The following XKR6 variants were observed in gnomAD, a reference collection of about 807,000 sequenced individuals.
XKR6 encodes XK-related protein 6.
A neutral mutation model predicts 56.7 loss-of-function variants in XKR6; 22 were observed. That is an observed-to-expected ratio of 0.39 (90% confidence interval 0.28 to 0.55). The LOEUF is 0.55. Ranked by LOEUF, XKR6 falls within the 20% of genes least tolerant of loss-of-function variation. The pLI is 0.66. For missense variants in XKR6, 852 were observed against 889.0 expected (o/e 0.96, Z 0.53); for synonymous variants, 524 against 387.8 (o/e 1.35, Z -4.13).
intron 1 of XKR6, among the ~76,000 whole-genome samples, chr8:11,153,896 A>G (rs1586623927): frequency 6.6e-6 from 1 of 152,196 alleles, no homozygotes; most frequent in African/African-American, 2.4e-5. Flanking sequence ...CACCATTACC[A>G]GGGGTGAAAC....
intron 1 of XKR6, among the ~76,000 whole-genome samples, chr8:11,150,328 ACAC>A (rs1801213016): frequency 6.6e-6 from 1 of 152,224 alleles, no homozygotes; most frequent in Non-Finnish European, 1.5e-5. Flanking sequence ...ATGTAACAAA[ACAC>A]CACATGTACC....
Position 11,112,058 on chromosome 8 carries a change from G to T in XKR6, c.764+88518C>A, listed in dbSNP as rs985316440. On this transcript the variant is annotated intron_variant, in intron 1 of 2. Transcript: ENST00000416569. ...ACATTAAAGTTTTATTTAAAAACAAGGCAGTTTTCATAAAGCAAAATAAAT... is the reference window on the plus strand; with the variant it reads ...ACATTAAAGTTTTATTTAAAAACAATGCAGTTTTCATAAAGCAAAATAAAT... 3.3e-5 allele frequency among the ~76,000 whole-genome samples: 5 copies of T among 152,084 alleles called. No homozygotes were observed. In the South Asian group the frequency reaches 1.0e-3, roughly 32 times the overall value.
chr8:11,049,060 C>G (rs1799480265), intron 1 of XKR6, among the ~76,000 whole-genome samples: 1 of 152,152 alleles, frequency 6.6e-6, no homozygotes. Flanking sequence ...CTGGAGGTCA[C>G]CCTGCTGAAG....
intron 1 of XKR6, among the ~76,000 whole-genome samples, chr8:11,143,103 T>C (rs1198968382): frequency 6.6e-6 from 1 of 152,118 alleles, no homozygotes; most frequent in Non-Finnish European, 1.5e-5. Context: ...GAAAACAGAA[T>C]GACAAAGTCA....
At chr8:11,005,569 G>A (rs987462403) in intron 1 of XKR6, among the ~76,000 whole-genome samples, 1 of 152,030 alleles carries the variant, frequency 6.6e-6, no homozygotes, top group African/African-American at 2.4e-5. Context: ...GAAGTTTTCT[G>A]TTATTTATAA....
intron 2 of XKR6, among the ~76,000 whole-genome samples, chr8:10,902,249 T>C (rs948406505): frequency 2.0e-4 from 30 of 152,024 alleles, no homozygotes; most frequent in African/African-American, 6.8e-4. Flanking sequence ...GACTGGGGAG[T>C]CTGCTGGCGA....
chr8:11,063,552 G>C (rs1183869542), intron 1 of XKR6, among the ~76,000 whole-genome samples: 3 of 151,138 alleles, frequency 2.0e-5, no homozygotes, highest in Non-Finnish European at 4.4e-5. Context: ...ACGCTACTGA[G>C]ATTATGTTAT....
intron 1 of XKR6, among the ~76,000 whole-genome samples, chr8:11,177,026 G>A (rs1316684137): frequency 6.6e-6 from 1 of 152,190 alleles, no homozygotes; most frequent in African/African-American, 2.4e-5. Flanking sequence ...GTGCTAGGGA[G>A]GTAGAGTGTC....
chr8:11,054,354 G>T (rs1029767073), intron 1 of XKR6, among the ~76,000 whole-genome samples: 4 of 152,200 alleles, frequency 2.6e-5, no homozygotes, highest in South Asian at 2.1e-4. Flanking sequence ...AAGCTGCAAG[G>T]CCTGAAGCCT....
chr8:11,172,206 C>CA (rs1398203485), intron 1 of XKR6, among the ~76,000 whole-genome samples: 2 of 151,640 alleles, frequency 1.3e-5, no homozygotes, highest in African/African-American at 4.8e-5. Flanking sequence ...CCCATCTCTA[C>CA]AAAAAATACA....
chr8:11,188,924 G>C (rs1032922583), intron 1 of XKR6, among the ~76,000 whole-genome samples: 4 of 152,098 alleles, frequency 2.6e-5, no homozygotes, highest in African/African-American at 7.2e-5. Context: ...GCAAAGGGAA[G>C]GTATTGAGTG....
intron 1 of XKR6, among the ~76,000 whole-genome samples, chr8:10,932,441 A>G (rs1392361464): frequency 7.1e-6 from 1 of 141,560 alleles, no homozygotes; most frequent in African/African-American, 2.7e-5. Context: ...TTTTTTTATT[A>G]TACTTTAAAT....
At chr8:10,913,868 C>G (rs894894996) in intron 2 of XKR6, among the ~76,000 whole-genome samples, 1 of 152,172 alleles carries the variant, frequency 6.6e-6, no homozygotes, top group African/African-American at 2.4e-5. Flanking sequence ...GGGGTCCCAG[C>G]AGCAGCACGA....
At chr8:11,174,275 A>G (rs897134687) in intron 1 of XKR6, among the ~76,000 whole-genome samples, 1 of 152,022 alleles carries the variant, frequency 6.6e-6, no homozygotes, top group Non-Finnish European at 1.5e-5. Context: ...TAAGTCACTC[A>G]CTCCTCTCTC....
At chr8:11,158,395 T>C (rs918640291) in intron 1 of XKR6, among the ~76,000 whole-genome samples, 4 of 152,162 alleles carry the variant, frequency 2.6e-5, no homozygotes, top group African/African-American at 4.8e-5. Flanking sequence ...CAAGAGAACA[T>C]GACCAGTTGT....
intron 1 of XKR6, among the ~76,000 whole-genome samples, chr8:10,973,079 G>A (rs1482391358): frequency 6.6e-6 from 1 of 152,198 alleles, no homozygotes; most frequent in African/African-American, 2.4e-5. Flanking sequence ...CTCTTCAAGA[G>A]TGGAGTTATT....
rs1274235873 is a variant in XKR6 at position 10,896,055 on chromosome 8, A to G, written c.*1897T>C. 2.7e-5 allele frequency: 4 copies of G among 148,028 alleles called. No homozygotes were observed. Among genetic ancestry groups the G allele is most frequent in the African/African-American group, 9.8e-5 (4 of 40,734 alleles). The allele number at this position is 148,028 out of a possible 1,614,324, so 9.2% of individuals were successfully genotyped here. The stretch of plus-strand genomic sequence containing the variant: ...GCAGCTACACACAGCAAAGACTAAC[A>G]GTATTTACTTAAAAATATTGTGTGT... On this transcript the variant is annotated 3_prime_UTR_variant, in exon 3 of 3. Coordinates refer to ENST00000416569, the MANE Select transcript of XKR6 (RefSeq NM_173683.4).
At chr8:11,099,801 A>G (rs1798399419) in intron 1 of XKR6, among the ~76,000 whole-genome samples, 1 of 152,178 alleles carries the variant, frequency 6.6e-6, no homozygotes, top group Non-Finnish European at 1.5e-5. Context: ...TGAGGTCATG[A>G]TGGAGGTGAT....
At chr8:11,075,429 T>G (rs1415164574) in intron 1 of XKR6, among the ~76,000 whole-genome samples, 1 of 152,164 alleles carries the variant, frequency 6.6e-6, no homozygotes, top group Non-Finnish European at 1.5e-5. Flanking sequence ...TTGATTCCTC[T>G]TGGCAAAAGC....
Sources: allele counts gnomAD v4.1 joint callset (sites outside exome capture counted in the v4.1 genomes callset), GRCh38; gene constraint gnomAD v4.1.1; transcripts MANE v1.5; gene names NCBI Gene and HGNC (gene_info 2026-07-23, HGNC 2026-07-21).